ALK: variants seen among roughly 807,000 people sequenced by gnomAD.
ALK encodes the protein ALK tyrosine kinase receptor.
A neutral mutation model predicts 163.1 loss-of-function variants in ALK; 74 were observed. The observed-to-expected ratio is 0.45, with a 90% confidence interval of 0.38 to 0.55. The LOEUF (loss-of-function observed/expected upper bound fraction) is 0.55, where lower values mean the gene tolerates loss of function less well. Among genes scored for constraint, ALK ranks in the 20% least tolerant of loss-of-function variants. The pLI is 0.00. For missense variants in ALK, 2,063 were observed against 2,105.3 expected (o/e 0.98, Z 0.39); for synonymous variants, 960 against 843.2 (o/e 1.14, Z -2.40).
chr2:29,251,019 C>A (rs1664800573), intron 12 of ALK, 86 bp downstream of exon 12: 1 of 1,426,818 alleles, frequency 7.0e-7, no homozygotes, highest in South Asian at 1.3e-5. Context: ...TGCCTGGGCA[C>A]CCCAGGAACA....
intron 26 of ALK, 63 bp downstream of exon 26, chr2:29,207,108 C>A (rs1029136958): frequency 6.1e-6 from 8 of 1,302,984 alleles, no homozygotes; most frequent in African/African-American, 1.5e-5. Context: ...AGTATAGAGT[C>A]CTTTGGCCCA....
chr2:29,333,972 G>A (rs1193240492), intron 5 of ALK, among the ~76,000 whole-genome samples: 2 of 152,186 alleles, frequency 1.3e-5, no homozygotes, highest in Admixed American at 6.5e-5. Context: ...TCTTCTGTAT[G>A]GATGCTTACT....
chr2:29,627,344 A>T (rs1346326599), intron 3 of ALK, among the ~76,000 whole-genome samples: 1 of 152,220 alleles, frequency 6.6e-6, no homozygotes, highest in Admixed American at 6.5e-5. Context: ...TGCAAGGAAG[A>T]GTATTTGCCT....
intron 11 of ALK, among the ~76,000 whole-genome samples, chr2:29,260,233 GACTT>G (rs1665051872): frequency 6.8e-6 from 1 of 146,334 alleles, no homozygotes; most frequent in Admixed American, 6.9e-5. Flanking sequence ...TTCTTACAAT[GACTT>G]ACGTTATTTT....
At chr2:29,546,028 G>T (rs11685102) in intron 3 of ALK, among the ~76,000 whole-genome samples, 1 of 152,056 alleles carries the variant, frequency 6.6e-6, no homozygotes, top group Admixed American at 6.6e-5. Context: ...TAAAATACGC[G>T]TATGTGTGTG....
intron 4 of ALK, among the ~76,000 whole-genome samples, chr2:29,516,335 G>A (rs1009255745): frequency 6.6e-6 from 1 of 152,214 alleles, no homozygotes; most frequent in Non-Finnish European, 1.5e-5. Flanking sequence ...AGCTTGCAAT[G>A]GTTCTGCTCT....
At chr2:29,361,285 G>A (rs1030383982) in intron 5 of ALK, among the ~76,000 whole-genome samples, 6 of 152,166 alleles carry the variant, frequency 3.9e-5, no homozygotes, top group South Asian at 2.1e-4. Context: ...AAAAACAGCC[G>A]TTTGGGTAAT....
intron 3 of ALK, among the ~76,000 whole-genome samples, chr2:29,548,953 C>T (rs1167794621): frequency 2.0e-5 from 3 of 152,032 alleles, no homozygotes; most frequent in Non-Finnish European, 4.4e-5. Flanking sequence ...TGTTTCTCAA[C>T]TTGTGGTTTG....
chr2:29,708,714 G>T (rs1254093357), intron 2 of ALK, among the ~76,000 whole-genome samples: 1 of 152,186 alleles, frequency 6.6e-6, no homozygotes, highest in Non-Finnish European at 1.5e-5. Context: ...TGGTAGAGAG[G>T]TTAGGTGTGG....
At chr2:29,713,843 T>G (rs1051637373) in intron 2 of ALK, among the ~76,000 whole-genome samples, 9 of 151,940 alleles carry the variant, frequency 5.9e-5, no homozygotes, top group Non-Finnish European at 1.0e-4. Context: ...GTATCATGTT[T>G]TTTTTTTTTA....
At chr2:29,581,809 C>A (rs1674700480) in intron 3 of ALK, among the ~76,000 whole-genome samples, 1 of 152,188 alleles carries the variant, frequency 6.6e-6, no homozygotes, top group South Asian at 2.1e-4. Flanking sequence ...AAAGACTGGG[C>A]ATTTGCCTCT....
At position 29,537,840 on chromosome 2, in the gene ALK, C is replaced by T. The variant is rs544215085; in HGVS notation, c.953-5724G>A. Among the ~76,000 whole-genome samples, 227 of 152,362 alleles carry T rather than the reference C, an allele frequency of 1.5e-3. 2 individuals are homozygous for T. Among genetic ancestry groups the T allele is most frequent in the African/African-American group, 5.3e-3 (221 of 41,586 alleles). Reference sequence around the variant, plus strand: ...CTGCCTAAGGCCCTGGGAGCCTACCCGTTGCAGCAGCGTGCCCTGGATGTG... The same window carrying T: ...CTGCCTAAGGCCCTGGGAGCCTACCTGTTGCAGCAGCGTGCCCTGGATGTG... On this transcript the variant is annotated intron_variant, in intron 3 of 28. Transcript: ENST00000389048.
intron 2 of ALK, among the ~76,000 whole-genome samples, chr2:29,706,975 ATGTGTGTGTGTGTGTGTGTGTGTG>A (rs766564449): frequency 2.8e-4 from 29 of 102,784 alleles, no homozygotes; most frequent in African/African-American, 8.7e-4. Flanking sequence ...CTCATGCAGA[ATGTGTGTGTGTGTGTGTGTGTGTG>A]TGTGTGTGTG....
At chr2:29,764,170 T>C (rs996810376) in intron 1 of ALK, among the ~76,000 whole-genome samples, 11 of 152,166 alleles carry the variant, frequency 7.2e-5, no homozygotes, top group Admixed American at 6.5e-5. Flanking sequence ...TCAAGGACCA[T>C]GGCATTCATT....
chr2:29,587,366 C>G (rs1674917237), intron 3 of ALK, among the ~76,000 whole-genome samples: 1 of 152,104 alleles, frequency 6.6e-6, no homozygotes, highest in Non-Finnish European at 1.5e-5. Context: ...TTAAGCACAA[C>G]TCAAAAGCAT....
At chr2:29,230,058 A>G (rs1467655555) in intron 15 of ALK, among the ~76,000 whole-genome samples, 1 of 152,222 alleles carries the variant, frequency 6.6e-6, no homozygotes, top group African/African-American at 2.4e-5. Context: ...TCCATAGGAC[A>G]TTTGAATAGA....
chr2:29,620,341 T>C (rs1240036870), intron 3 of ALK, among the ~76,000 whole-genome samples: 1 of 152,206 alleles, frequency 6.6e-6, no homozygotes, highest in Admixed American at 6.5e-5. Flanking sequence ...TGTGTGTGCC[T>C]GTGTCCAAAT....
chr2:29,420,923 C>T (rs1490044463), intron 4 of ALK, among the ~76,000 whole-genome samples: 1 of 151,588 alleles, frequency 6.6e-6, no homozygotes, highest in Non-Finnish European at 1.5e-5. Flanking sequence ...GCCCTCTCCA[C>T]TTTGTGATTA....
chr2:29,484,078 A>C (rs1333639167), intron 4 of ALK, among the ~76,000 whole-genome samples: 2 of 152,122 alleles, frequency 1.3e-5, no homozygotes, highest in Non-Finnish European at 2.9e-5. Flanking sequence ...CTATCATGAG[A>C]ACAGCATGAA....
Sources: allele counts gnomAD v4.1 joint callset (sites outside exome capture counted in the v4.1 genomes callset), GRCh38; gene constraint gnomAD v4.1.1; transcripts MANE v1.5; gene names NCBI Gene and HGNC (gene_info 2026-07-23, HGNC 2026-07-21).